GLYAT: variants seen among roughly 807,000 people sequenced by gnomAD.
GLYAT encodes glycine-N-acyltransferase.
In GLYAT, 25 loss-of-function variants were observed where a neutral mutation model predicts 22.8. The ratio of observed to expected loss-of-function variants is 1.09; its 90% CI spans 0.80 to 1.53. GLYAT has a LOEUF of 1.53. Ranked by LOEUF, GLYAT falls within the 40% of genes most tolerant of loss-of-function variation. The probability of loss-of-function intolerance (pLI) is 0.00; values close to 1 mark genes in which losing one functional copy is unlikely to be tolerated. For missense variants in GLYAT, 411 were observed against 353.9 expected (o/e 1.16, Z -1.29); for synonymous variants, 140 against 122.7 (o/e 1.14, Z -0.93).
intron 3 of GLYAT, among the ~76,000 whole-genome samples, chr11:58,714,575 C>T (rs1007019713): frequency 1.5e-4 from 23 of 152,108 alleles, no homozygotes; most frequent in African/African-American, 5.3e-4. Context: ...TCATAATCCC[C>T]ACGTGTAATG....
At chr11:58,718,210 C>A (rs1360057063) in intron 2 of GLYAT, among the ~76,000 whole-genome samples, 1 of 151,964 alleles carries the variant, frequency 6.6e-6, no homozygotes, top group African/African-American at 2.4e-5. Flanking sequence ...TGCACTTATG[C>A]AAATAAATGT....
chr11:58,721,429 A>G, intron 2 of GLYAT, among the ~76,000 whole-genome samples: 1 of 152,040 alleles, frequency 6.6e-6, no homozygotes, highest in South Asian at 2.1e-4. Context: ...TTTAGTTAAA[A>G]AAAAATCAGG....
At chr11:58,710,353 G>T in intron 5 of GLYAT, 185 bp from the exon 6 acceptor site, 1 of 1,045,062 alleles carries the variant, frequency 9.6e-7, no homozygotes, top group South Asian at 1.8e-5. Context: ...AAGAAAGCAG[G>T]AAGGGCAATA....
chr11:58,712,872 G>T lies in GLYAT; in HGVS notation c.204C>A (p.Asp68Glu). 1 of 1,598,718 alleles carries T rather than the reference G, an allele frequency of 6.3e-7. No individual in the cohort carries two copies. Among genetic ancestry groups the T allele is most frequent in the Non-Finnish European group, 8.6e-7 (1 of 1,166,334 alleles). Residue 68 changes from aspartate (D) to glutamate (E), a missense_variant, in exon 4 of 6, where the codon GAC becomes GAA. Physicochemically the swap from Asp to Glu is conservative, Grantham distance 45. Coordinates refer to ENST00000344743, the MANE Select transcript of GLYAT (RefSeq NM_201648.3). The stretch of plus-strand genomic sequence containing the variant: ...GGTAAGTATTGGTATAGTGATCAAG[G>T]TCATCTGTCATATCCTGTTATCATT... ...VCPQEQDMTD[D>E]LDHYTNTYQI...
intron 3 of GLYAT, among the ~76,000 whole-genome samples, chr11:58,713,421 A>C (rs965897806): frequency 1.3e-5 from 2 of 152,154 alleles, no homozygotes; most frequent in Admixed American, 1.3e-4. Context: ...CTCAACAGGA[A>C]GAAGAGAAAG....
At chr11:58,721,346 T>A (rs982943626) in intron 2 of GLYAT, among the ~76,000 whole-genome samples, 1 of 146,158 alleles carries the variant, frequency 6.8e-6, no homozygotes, top group South Asian at 2.2e-4. Flanking sequence ...ATTTTTCTTT[T>A]AGCCAAATTA....
chr11:58,726,527 C>T (rs985202454), intron 1 of GLYAT, among the ~76,000 whole-genome samples: 2 of 152,124 alleles, frequency 1.3e-5, no homozygotes, highest in South Asian at 4.2e-4. Context: ...GCCTCTGGTC[C>T]CTGCATTTCT....
intron 2 of GLYAT, among the ~76,000 whole-genome samples, chr11:58,720,358 T>A (rs1249631690): frequency 1.3e-5 from 2 of 152,072 alleles, no homozygotes; most frequent in South Asian, 2.1e-4. Context: ...TTACCCCAAT[T>A]ATTTTAATTG....
At chr11:58,717,637 A>C (rs561458817) in intron 2 of GLYAT, among the ~76,000 whole-genome samples, 1 of 152,052 alleles carries the variant, frequency 6.6e-6, no homozygotes, top group Non-Finnish European at 1.5e-5. Flanking sequence ...AAATTGTAGA[A>C]AATAATAAAA....
At chr11:58,716,926 G>C (rs910712872) in intron 2 of GLYAT, among the ~76,000 whole-genome samples, 2 of 152,100 alleles carry the variant, frequency 1.3e-5, no homozygotes, top group Admixed American at 6.6e-5. Context: ...CTTGAAGCAA[G>C]GGCATGAATA....
chr11:58,711,470 T>G (rs909415442), intron 4 of GLYAT, among the ~76,000 whole-genome samples: 4 of 152,194 alleles, frequency 2.6e-5, no homozygotes, highest in Non-Finnish European at 5.9e-5. Context: ...TTTACAGCAC[T>G]GGGGAAGAAG....
At chr11:58,718,394 TA>T (rs1274259003) in intron 2 of GLYAT, among the ~76,000 whole-genome samples, 1 of 152,038 alleles carries the variant, frequency 6.6e-6, no homozygotes, top group Non-Finnish European at 1.5e-5. Context: ...ACATTTTAAG[TA>T]AAATGTGAAA....
chr11:58,728,120 T>C (rs1437809402), intron 1 of GLYAT, among the ~76,000 whole-genome samples: 2 of 136,456 alleles, frequency 1.5e-5, no homozygotes, highest in Non-Finnish European at 3.0e-5. Context: ...TGGAGTGCAG[T>C]GGTGCAATCT....
In GLYAT at chr11:58,728,885, AGAAAGAAGGAAGGAAG is replaced by A. The variant is rs1226266169; in HGVS notation, c.-16+2934_-16+2949del. Among the ~76,000 whole-genome samples the A allele has an allele frequency of 9.8e-3, 1,185 of 121,388 alleles. 9 individuals are homozygous for A. Among genetic ancestry groups the A allele is most frequent in the Admixed American group, 0.032 (390 of 12,222 alleles). The allele number at this position is 121,388 out of a possible 152,430, so 79.6% of individuals were successfully genotyped here. ...AAGAAAGAAAGAAAGAAAGAAAGAAAGAAAGAAGGAAGGAAGGAAGGAAGGAAGGAAGGAAGGAAGG... is the reference window on the plus strand; with the variant it reads ...AAGAAAGAAAGAAAGAAAGAAAGAAAGAAGGAAGGAAGGAAGGAAGGAAGG... On this transcript the variant is annotated intron_variant, in intron 1 of 5. Transcript: ENST00000344743.
chr11:58,728,857 AG>A (rs1216219640), intron 1 of GLYAT: 56 of 87,476 alleles, frequency 6.4e-4, no homozygotes, highest in African/African-American at 2.6e-3. Context: ...GAAAGAAGAA[AG>A]AAAGAAAGAA....
intron 4 of GLYAT, among the ~76,000 whole-genome samples, chr11:58,711,115 T>C (rs564668057): frequency 6.6e-5 from 10 of 152,240 alleles, no homozygotes; most frequent in Non-Finnish European, 1.3e-4. Flanking sequence ...ATACTTATAC[T>C]GGTCCAAGCA....
At chr11:58,724,342 A>C in intron 2 of GLYAT, 74 bp downstream of exon 2, 1 of 726,892 alleles carries the variant, frequency 1.4e-6, no homozygotes, top group Non-Finnish European at 2.3e-6. Context: ...GTGCATCATA[A>C]ATATCAGTCC....
chr11:58,725,078 T>C (rs1856798385), intron 1 of GLYAT, among the ~76,000 whole-genome samples: 1 of 152,126 alleles, frequency 6.6e-6, no homozygotes, highest in Admixed American at 6.6e-5. Context: ...CAAAGTCCTA[T>C]ATATTGCATG....
At chr11:58,724,542 T>C in intron 1 of GLYAT, 31 bp from the exon 2 acceptor site, 1 of 1,236,106 alleles carries the variant, frequency 8.1e-7, no homozygotes. Flanking sequence ...CATACAGGAT[T>C]GAGAAAAGCT....
Sources: gnomAD v4.1 joint callset for allele counts (sites outside exome capture counted in the v4.1 genomes callset) on GRCh38, gnomAD v4.1.1 for gene constraint, MANE v1.5 for transcripts, NCBI Gene and HGNC (gene_info 2026-07-23, HGNC 2026-07-21) for gene names.